Variants in LRRC4C observed in about 807,000 individuals in gnomAD.
LRRC4C encodes the protein leucine-rich repeat-containing protein 4C.
In LRRC4C, 5 loss-of-function variants were observed where a neutral mutation model predicts 33.6. The ratio of observed to expected loss-of-function variants is 0.15; its 90% CI spans 0.08 to 0.31. LRRC4C has a LOEUF of 0.31. LRRC4C is among the 10% of genes least tolerant of loss of function. The pLI, the probability that LRRC4C is intolerant of heterozygous loss-of-function variation, is 1.00. For missense variants in LRRC4C, 560 were observed against 796.7 expected, an observed-to-expected ratio of 0.70 and a Z score of 3.58; for synonymous variants, 329 against 302.0, an observed-to-expected ratio of 1.09 and a Z score of -0.93.
chr11:40,593,946 A>C (rs977861285), intron 3 of LRRC4C, among the ~76,000 whole-genome samples: 4 of 152,250 alleles, frequency 2.6e-5, no homozygotes, highest in African/African-American at 7.2e-5. Flanking sequence ...TTTGAAATAC[A>C]TAGATCATAT....
chr11:40,799,370 A>G (rs562496126), intron 2 of LRRC4C, among the ~76,000 whole-genome samples: 13 of 152,348 alleles, frequency 8.5e-5, no homozygotes, highest in Admixed American at 2.6e-4. Context: ...GAAACAAAAA[A>G]TACTGGACAG....
chr11:40,847,114 C>G (rs561619610), intron 2 of LRRC4C, among the ~76,000 whole-genome samples: 4 of 106,668 alleles, frequency 3.7e-5, no homozygotes, highest in African/African-American at 7.0e-5. Context: ...TTGACTTCCT[C>G]TCTTCCTATT....
intron 2 of LRRC4C, among the ~76,000 whole-genome samples, chr11:40,723,400 C>A (rs1947126556): frequency 6.6e-6 from 1 of 151,966 alleles, no homozygotes; most frequent in South Asian, 2.1e-4. Context: ...ATCAGGCTAA[C>A]AGCAGATTTC....
At chr11:40,737,617 A>G (rs145896132) in intron 2 of LRRC4C, among the ~76,000 whole-genome samples, 211 of 152,200 alleles carry the variant, frequency 1.4e-3, no homozygotes, top group Non-Finnish European at 2.3e-3. Flanking sequence ...CCTCTCATTC[A>G]CAACTGCTAC....
intron 2 of LRRC4C, among the ~76,000 whole-genome samples, chr11:40,817,934 T>C (rs902412830): frequency 6.6e-6 from 1 of 152,018 alleles, no homozygotes; most frequent in African/African-American, 2.4e-5. Flanking sequence ...ACATAAATCA[T>C]GTCAGCAATT....
At chr11:40,273,326 A>G (rs779836780) in intron 4 of LRRC4C, among the ~76,000 whole-genome samples, 10 of 152,150 alleles carry the variant, frequency 6.6e-5, no homozygotes, top group Non-Finnish European at 1.0e-4. Context: ...AAAGGCAACT[A>G]GTAATGCTGC....
intron 4 of LRRC4C, among the ~76,000 whole-genome samples, chr11:40,269,926 G>A (rs1722851812): frequency 6.6e-6 from 1 of 151,980 alleles, no homozygotes; most frequent in African/African-American, 2.4e-5. Flanking sequence ...TATTTCTATT[G>A]GAATAAATGC....
chr11:40,789,931 G>C (rs1950559382), intron 2 of LRRC4C, among the ~76,000 whole-genome samples: 1 of 152,098 alleles, frequency 6.6e-6, no homozygotes, highest in South Asian at 2.1e-4. Context: ...GGCCAAAAAA[G>C]ATTCAAATAA....
At chr11:41,118,958 C>T (rs1050987583) in intron 1 of LRRC4C, among the ~76,000 whole-genome samples, 47 of 150,892 alleles carry the variant, frequency 3.1e-4, no homozygotes, top group African/African-American at 1.1e-3. Context: ...TTTTTCTCTG[C>T]TTATTTCTTT....
chr11:41,319,338 A>G (rs1009024494), intron 1 of LRRC4C, among the ~76,000 whole-genome samples: 5 of 152,336 alleles, frequency 3.3e-5, no homozygotes, highest in South Asian at 2.1e-4. Flanking sequence ...TGGAAAATCA[A>G]TTCATACTTA....
rs547343550 is a variant in LRRC4C at position 40,947,615 on chromosome 11, T to C, written c.-495-13892A>G. 6.6e-5 allele frequency among the ~76,000 whole-genome samples: 10 copies of C among 152,218 alleles called. No homozygotes were observed. In the South Asian group the frequency reaches 1.7e-3, roughly 25 times the overall value. ...TTCTCCTCAAGCCATACTAGTTTCC[T>C]CAGGCATTCTCACAGGTCACCAGAA... On this transcript the variant is annotated intron_variant, in intron 1 of 6. Transcript: ENST00000528697.
At chr11:40,318,005 G>A (rs1565267007) in intron 4 of LRRC4C, among the ~76,000 whole-genome samples, 1 of 152,046 alleles carries the variant, frequency 6.6e-6, no homozygotes, top group African/African-American at 2.4e-5. Context: ...AGAGGTATAA[G>A]TTTTTAGTGT....
At chr11:40,402,054 A>C (rs1949780113) in intron 3 of LRRC4C, among the ~76,000 whole-genome samples, 1 of 152,082 alleles carries the variant, frequency 6.6e-6, no homozygotes, top group African/African-American at 2.4e-5. Context: ...TAGGTGCGAG[A>C]GTTTCAATGT....
chr11:40,203,664 G>C (rs140293160), intron 5 of LRRC4C, among the ~76,000 whole-genome samples: 1,681 of 152,248 alleles, frequency 0.011, 109 homozygotes, highest in Admixed American at 0.1. Flanking sequence ...AAATGATTTG[G>C]GGTCCTGGAA....
At chr11:40,658,218 A>G (rs1943234896) in intron 2 of LRRC4C, among the ~76,000 whole-genome samples, 1 of 152,222 alleles carries the variant, frequency 6.6e-6, no homozygotes, top group African/African-American at 2.4e-5. Context: ...TGTGGCTTCA[A>G]ACCTTTATGT....
chr11:40,134,773 C>G (rs1165369722), intron 6 of LRRC4C, among the ~76,000 whole-genome samples: 3 of 152,200 alleles, frequency 2.0e-5, no homozygotes, highest in African/African-American at 7.2e-5. Flanking sequence ...GATTCCTGAC[C>G]TGTCATTGCT....
At chr11:40,900,920 A>G (rs1281616225) in intron 2 of LRRC4C, among the ~76,000 whole-genome samples, 1 of 152,044 alleles carries the variant, frequency 6.6e-6, no homozygotes, top group African/African-American at 2.4e-5. Context: ...AGAGAACTAG[A>G]AAGTTATCTG....
chr11:40,812,748 T>A (rs1376869651), intron 2 of LRRC4C, among the ~76,000 whole-genome samples: 1 of 152,206 alleles, frequency 6.6e-6, no homozygotes, highest in African/African-American at 2.4e-5. Context: ...CTTCTGTGGA[T>A]AATGGAAAAT....
chr11:41,205,112 G>A (rs905237185), intron 1 of LRRC4C, among the ~76,000 whole-genome samples: 1 of 152,076 alleles, frequency 6.6e-6, no homozygotes, highest in Non-Finnish European at 1.5e-5. Context: ...GAAAGGGCTT[G>A]GGATGATCCA....
Sources: allele counts gnomAD v4.1 joint callset (sites outside exome capture counted in the v4.1 genomes callset), GRCh38; gene constraint gnomAD v4.1.1; transcripts MANE v1.5; gene names NCBI Gene and HGNC (gene_info 2026-07-23, HGNC 2026-07-21).